The following DRC11 variants were observed in gnomAD, a reference collection of about 807,000 sequenced individuals.
DRC11 encodes IQ and AAA domain-containing protein 1.
the DRC11 span, among the ~76,000 whole-genome samples, chr2:236,402,855 A>G: frequency 6.6e-6 from 1 of 152,218 alleles, no homozygotes; most frequent in East Asian, 1.9e-4. The surrounding 1 kb of genome is among the most constrained non-coding windows in gnomAD (Gnocchi z 6.0). Flanking sequence ...GCCTGGGAGG[A>G]AAGAGGGAGA....
chr2:236,332,189 G>C, the DRC11 span: 2 of 153,836 alleles, frequency 1.3e-5, no homozygotes, highest in African/African-American at 4.8e-5. This position sits in a 1 kb window ranked among gnomAD's most constrained non-coding sequence, Gnocchi z 5.1. Flanking sequence ...AACACGCATT[G>C]GTTGACTAGA....
At chr2:236,384,614 T>C in the DRC11 span, among the ~76,000 whole-genome samples, 1 of 152,186 alleles carries the variant, frequency 6.6e-6, no homozygotes, top group Non-Finnish European at 1.5e-5. Context: ...GTAGGTTGCC[T>C]GTTCACTCTG....
the DRC11 span, chr2:236,344,637 G>A: frequency 1.1e-5 from 18 of 1,612,926 alleles, no homozygotes; most frequent in Non-Finnish European, 1.4e-5. Context: ...TGGAGCTGTC[G>A]AGCCACCTGC....
At chr2:236,465,445 T>C in the DRC11 span, 1 of 1,427,366 alleles carries the variant, frequency 7.0e-7, no homozygotes, top group Non-Finnish European at 9.8e-7. The surrounding 1 kb of genome is among the most constrained non-coding windows in gnomAD (Gnocchi z 6.2). Context: ...CTTAAAAACA[T>C]ACAATAACCT....
chr2:236,426,526 T>C, the DRC11 span, among the ~76,000 whole-genome samples: 2 of 152,190 alleles, frequency 1.3e-5, no homozygotes, highest in Non-Finnish European at 2.9e-5. This position sits in a 1 kb window ranked among gnomAD's most constrained non-coding sequence, Gnocchi z 4.1. Context: ...TCAGTTCTAA[T>C]AGTATTTTTA....
the DRC11 span, among the ~76,000 whole-genome samples, chr2:236,309,356 C>T: frequency 5.3e-5 from 8 of 152,114 alleles, no homozygotes; most frequent in African/African-American, 1.7e-4. This position sits in a 1 kb window ranked among gnomAD's most constrained non-coding sequence, Gnocchi z 5.7. Flanking sequence ...CCCTTCCTTC[C>T]CTTTCTACCA....
At chr2:236,429,578 T>G in the DRC11 span, among the ~76,000 whole-genome samples, 1 of 151,900 alleles carries the variant, frequency 6.6e-6, no homozygotes, top group Non-Finnish European at 1.5e-5. The surrounding 1 kb of genome is among the most constrained non-coding windows in gnomAD (Gnocchi z 5.9). Flanking sequence ...GAGTCTGTGG[T>G]AGGGGGCTCC....
chr2:236,403,274 C>T, the DRC11 span, among the ~76,000 whole-genome samples: 1 of 151,728 alleles, frequency 6.6e-6, no homozygotes, highest in African/African-American at 2.4e-5. Flanking sequence ...GTGAGGACTG[C>T]GTGGGGCTGG....
the DRC11 span, chr2:236,465,478 A>G: frequency 1.3e-6 from 2 of 1,587,676 alleles, no homozygotes; most frequent in Non-Finnish European, 1.7e-6. The surrounding 1 kb of genome is among the most constrained non-coding windows in gnomAD (Gnocchi z 6.2). Context: ...AACAGACTGG[A>G]TATGTCACGA....
chr2:236,448,859 T>A, the DRC11 span, among the ~76,000 whole-genome samples: 3 of 152,036 alleles, frequency 2.0e-5, no homozygotes, highest in Non-Finnish European at 4.4e-5. The surrounding 1 kb of genome is among the most constrained non-coding windows in gnomAD (Gnocchi z 5.3). Context: ...TGTTAGTTTT[T>A]TATTTTTTAT....
At chr2:236,358,605 G>T in the DRC11 span, among the ~76,000 whole-genome samples, 3 of 145,588 alleles carry the variant, frequency 2.1e-5, no homozygotes, top group African/African-American at 7.6e-5. Context: ...TAAACCAGGG[G>T]ACAGCGGAGC....
the DRC11 span, among the ~76,000 whole-genome samples, chr2:236,388,449 C>T: frequency 3.3e-5 from 5 of 151,690 alleles, no homozygotes; most frequent in Non-Finnish European, 5.9e-5. Context: ...TCCAGTTGAT[C>T]GCATCGGCTC....
the DRC11 span, among the ~76,000 whole-genome samples, chr2:236,436,669 T>G: frequency 6.6e-6 from 1 of 152,174 alleles, no homozygotes; most frequent in Admixed American, 6.5e-5. Context: ...CTGAGCACAC[T>G]ATTTTAAAGT....
chr2:236,425,859 T>C, the DRC11 span, among the ~76,000 whole-genome samples: 4 of 152,030 alleles, frequency 2.6e-5, no homozygotes, highest in African/African-American at 9.7e-5. Flanking sequence ...TGTGGATATA[T>C]AGTTTTCTCA....
the DRC11 span, chr2:236,377,208 G>A: frequency 6.8e-7 from 1 of 1,468,812 alleles, no homozygotes; most frequent in African/African-American, 1.4e-5. This position sits in a 1 kb window ranked among gnomAD's most constrained non-coding sequence, Gnocchi z 4.9. Flanking sequence ...CAGAGTGTCT[G>A]TTCCAGAGGC....
chr2:236,354,317 ATG>A, the DRC11 span, among the ~76,000 whole-genome samples: 68 of 149,082 alleles, frequency 4.6e-4, no homozygotes, highest in African/African-American at 1.4e-3. Flanking sequence ...ATGTGTGTGC[ATG>A]TGTGTGAGTG....
chr2:236,356,022 C>T, the DRC11 span, among the ~76,000 whole-genome samples: 46 of 152,232 alleles, frequency 3.0e-4, no homozygotes, highest in African/African-American at 1.1e-3. Flanking sequence ...ACAAGAGCAT[C>T]GAGGGTCCCT....
the DRC11 span, among the ~76,000 whole-genome samples, chr2:236,409,268 C>T: frequency 6.6e-6 from 1 of 152,182 alleles, no homozygotes; most frequent in Non-Finnish European, 1.5e-5. Context: ...TCATGCCTGG[C>T]TAATTTTATA....
At chr2:236,416,724 TATA>T in the DRC11 span, among the ~76,000 whole-genome samples, 1,778 of 20,442 alleles carry the variant, frequency 0.087, 93 homozygotes, top group Middle Eastern at 0.12. Context: ...TATATATTTA[TATA>T]TATATATATA....
Sources: gnomAD v4.1 joint callset for allele counts (sites outside exome capture counted in the v4.1 genomes callset) on GRCh38, gnomAD v4.1.1 for gene constraint, Gnocchi (gnomAD v3.1) non-coding constraint, MANE v1.5 for transcripts, NCBI Gene and HGNC (gene_info 2026-07-23, HGNC 2026-07-21) for gene names.